Variants in DMXL1 observed in about 807,000 individuals in gnomAD.
DMXL1 encodes Dmx like 1, also known as dmX-like protein 1.
A neutral mutation model predicts 319.2 loss-of-function variants in DMXL1; 99 were observed. That is an observed-to-expected ratio of 0.31 (90% CI 0.26 to 0.37). The LOEUF (loss-of-function observed/expected upper bound fraction) is 0.37. Among genes scored for constraint, DMXL1 ranks in the 10% least tolerant of loss-of-function variants. The pLI is 1.00. For synonymous variants in DMXL1, 1,385 were observed against 1,235.2 expected (o/e 1.12, Z -2.54); for missense variants, 3,745 against 3,595.6 (o/e 1.04, Z -1.06).
chr5:119,193,975 G>T lies in DMXL1; in HGVS notation c.7457+5G>T. 1.3e-6 allele frequency: 2 copies of T among 1,516,252 alleles called. No homozygotes were observed. Among genetic ancestry groups the T allele is most frequent in the South Asian group, 2.6e-5 (2 of 75,592 alleles). The allele number at this position is 1,516,252 out of a possible 1,614,324, so 93.9% of individuals were successfully genotyped here. ...TTCTAATTCAAATTCATATAGGTAT[G>T]GTATATTTTATTTTAAATTTCTTTT... On this transcript the variant is annotated splice_donor_5th_base_variant and intron_variant, in intron 30 of 43. Coordinates refer to ENST00000539542, the MANE Select transcript of DMXL1 (RefSeq NM_001290321.3).
chr5:119,124,995 A>G (rs987868577), intron 9 of DMXL1, among the ~76,000 whole-genome samples: 2 of 152,234 alleles, frequency 1.3e-5, no homozygotes, highest in Non-Finnish European at 2.9e-5. Flanking sequence ...TTTCACTGTT[A>G]AACATTTATG....
chr5:119,106,054 G>A (rs1421457177), intron 4 of DMXL1, among the ~76,000 whole-genome samples: 1 of 152,156 alleles, frequency 6.6e-6, no homozygotes, highest in Non-Finnish European at 1.5e-5. Flanking sequence ...GGAATGGCTT[G>A]TCTATTGTTC....
At chr5:119,176,289 GTT>G (rs1775784704) in intron 26 of DMXL1, among the ~76,000 whole-genome samples, 1 of 151,984 alleles carries the variant, frequency 6.6e-6, no homozygotes, top group South Asian at 2.1e-4. Context: ...CTTTTGTTGA[GTT>G]TGTTATTTCT....
chr5:119,153,350 T>C (rs1042605033), intron 19 of DMXL1, among the ~76,000 whole-genome samples: 1 of 152,216 alleles, frequency 6.6e-6, no homozygotes, highest in Non-Finnish European at 1.5e-5. Flanking sequence ...TACAAAGTAA[T>C]GTTCTGATAT....
chr5:119,233,319 T>A, intron 38 of DMXL1, 21 bp from the exon 39 acceptor site: 1 of 1,594,124 alleles, frequency 6.3e-7, no homozygotes, highest in Non-Finnish European at 8.5e-7. Flanking sequence ...AATCTGCAAT[T>A]TTTGCCCTCT....
At chr5:119,166,038 A>G (rs1449011777) in intron 21 of DMXL1, among the ~76,000 whole-genome samples, 1 of 152,202 alleles carries the variant, frequency 6.6e-6, no homozygotes, top group Non-Finnish European at 1.5e-5. Context: ...TGTGGGCCCC[A>G]CCTTCTTTCT....
chr5:119,170,569 G>C lies in DMXL1; in HGVS notation c.5778G>C (p.Gln1926His). Reference protein sequence around the residue: ...EDKSSAVDWSQSLINGFGSSS... With the variant: ...EDKSSAVDWSHSLINGFGSSS... ...AGTCTTCTGCTGTTGATTGGTCACAGTCACTGATAAATGGTTTTGGATCTT... is the reference window on the plus strand; with the variant it reads ...AGTCTTCTGCTGTTGATTGGTCACACTCACTGATAAATGGTTTTGGATCTT... The change falls in exon 24 of 44, where the codon CAG (glutamine) becomes CAC (histidine). Residue 1926 changes from glutamine (Q) to histidine (H), a missense_variant. Transcript: ENST00000539542. 6.2e-7 allele frequency: 1 copy of C among 1,613,918 alleles called. No homozygotes were observed. Among genetic ancestry groups the C allele is most frequent in the Non-Finnish European group, 8.5e-7 (1 of 1,179,938 alleles).
In DMXL1 at chr5:119,231,861, A is replaced by C. The variant is rs374638775; in HGVS notation, c.8339-1479A>C. ...TTAGTTGGTGGTTTCTGATTGATTA[A>C]GCTTAAGCTTCATTTTACTGTTTAC... On this transcript the variant is annotated intron_variant, in intron 38 of 43. Coordinates refer to ENST00000539542, the MANE Select transcript of DMXL1 (RefSeq NM_001290321.3). Among the ~76,000 whole-genome samples the C allele has an allele frequency of 1.2e-3, 187 of 152,340 alleles. 2 individuals are homozygous for C. The highest frequency in any genetic ancestry group is 4.4e-3 in the African/African-American group (182 of 41,584).
chr5:119,242,908 T>A (rs752950458), intron 42 of DMXL1, among the ~76,000 whole-genome samples: 3 of 152,094 alleles, frequency 2.0e-5, no homozygotes, highest in Non-Finnish European at 4.4e-5. Context: ...ATATAAAAAA[T>A]TGAACCCAGA....
chr5:119,169,978 G>A (rs996156697), intron 23 of DMXL1, among the ~76,000 whole-genome samples: 4 of 152,136 alleles, frequency 2.6e-5, no homozygotes, highest in South Asian at 2.1e-4. Flanking sequence ...CAATGGGAAA[G>A]CATCATAATC....
chr5:119,107,832 A>G (rs960362879), intron 4 of DMXL1, among the ~76,000 whole-genome samples: 1 of 152,070 alleles, frequency 6.6e-6, no homozygotes, highest in Non-Finnish European at 1.5e-5. Context: ...TAGTTGCTCT[A>G]CTATTTATTG....
chr5:119,130,312 G>A (rs1403593644), intron 10 of DMXL1, among the ~76,000 whole-genome samples: 3 of 151,746 alleles, frequency 2.0e-5, no homozygotes, highest in Non-Finnish European at 4.4e-5. Flanking sequence ...TTTTTATACA[G>A]AAATAATGTT....
At chr5:119,161,509 G>A (rs139220753) in intron 19 of DMXL1, among the ~76,000 whole-genome samples, 1,580 of 152,338 alleles carry the variant, frequency 0.01, 29 homozygotes, top group African/African-American at 0.035. Context: ...CTGCCTGAAC[G>A]GAACCTTGGT....
intron 7 of DMXL1, among the ~76,000 whole-genome samples, chr5:119,117,623 G>C (rs528620622): frequency 3.3e-5 from 5 of 151,998 alleles, no homozygotes; most frequent in Admixed American, 3.3e-4. Flanking sequence ...AAGGGAAGGT[G>C]GCCTGGAAAG....
At chr5:119,178,323 T>C in intron 28 of DMXL1, 79 bp downstream of exon 28, 1 of 1,466,642 alleles carries the variant, frequency 6.8e-7, no homozygotes, top group Non-Finnish European at 9.2e-7. Context: ...TACATTTTAA[T>C]TTAGTTATAG....
chr5:119,151,597 CTG>C (rs1300123433), intron 18 of DMXL1, among the ~76,000 whole-genome samples: 1 of 152,202 alleles, frequency 6.6e-6, no homozygotes, highest in East Asian at 1.9e-4. Flanking sequence ...TTCGAACAAA[CTG>C]TATTGGTTAA....
chr5:119,232,001 C>T (rs1364911024), intron 38 of DMXL1, among the ~76,000 whole-genome samples: 3 of 152,052 alleles, frequency 2.0e-5, no homozygotes, highest in East Asian at 1.9e-4. Context: ...GACAGGGTCT[C>T]ATTATGTTGC....
intron 34 of DMXL1, among the ~76,000 whole-genome samples, chr5:119,214,342 C>T (rs1783308438): frequency 1.3e-5 from 2 of 152,210 alleles, no homozygotes. Flanking sequence ...CTGCCCTAAT[C>T]CAACCCACTA....
chr5:119,143,241 G>A (rs914048024), intron 13 of DMXL1, among the ~76,000 whole-genome samples: 2 of 151,980 alleles, frequency 1.3e-5, no homozygotes, highest in African/African-American at 4.8e-5. Context: ...AAGATTGAAT[G>A]CTGGAATGCT....
Sources: gnomAD v4.1 joint callset for allele counts (sites outside exome capture counted in the v4.1 genomes callset) on GRCh38, gnomAD v4.1.1 for gene constraint, MANE v1.5 for transcripts, NCBI Gene and HGNC (gene_info 2026-07-23, HGNC 2026-07-21) for gene names.